Variants in MAP4 observed in about 807,000 individuals in gnomAD.
MAP4 encodes microtubule associated protein 4, also known as microtubule-associated protein 4.
Under a neutral mutation model 170.2 loss-of-function variants are expected in MAP4, and 76 were observed. That is an observed-to-expected ratio of 0.45 (90% CI 0.37 to 0.54). The LOEUF is 0.54. MAP4 is among the 20% of genes least tolerant of loss of function. The probability of loss-of-function intolerance (pLI) is 0.00; values close to 1 mark genes in which losing one functional copy is unlikely to be tolerated. For missense variants in MAP4, 2,506 were observed against 2,748.0 expected (o/e 0.91, Z 1.97); for synonymous variants, 909 against 994.5 (o/e 0.91, Z 1.62).
At chr3:47,941,304 A>G (rs563056500) in intron 3 of MAP4, among the ~76,000 whole-genome samples, 1 of 151,696 alleles carries the variant, frequency 6.6e-6, no homozygotes, top group South Asian at 2.1e-4. Flanking sequence ...CAAATCAAAT[A>G]CCCATAGTTA....
intron 1 of MAP4, among the ~76,000 whole-genome samples, chr3:48,046,058 C>G (rs969842374): frequency 6.8e-6 from 1 of 146,430 alleles, no homozygotes; most frequent in Admixed American, 7.0e-5. Flanking sequence ...TAAGTTATTT[C>G]GGCTACATAT....
chr3:48,076,635 T>A (rs1223562858), intron 1 of MAP4, among the ~76,000 whole-genome samples: 1 of 150,696 alleles, frequency 6.6e-6, no homozygotes, highest in African/African-American at 2.4e-5. Context: ...GCAGATATCA[T>A]GCCACTGCAC....
At chr3:48,003,637 C>T (rs2100100563) in intron 1 of MAP4, among the ~76,000 whole-genome samples, 1 of 152,040 alleles carries the variant, frequency 6.6e-6, no homozygotes, top group East Asian at 1.9e-4. Flanking sequence ...TGTTTCCACT[C>T]CCATCTTAGC....
chr3:47,962,495 T>G (rs2100072202), intron 3 of MAP4, among the ~76,000 whole-genome samples: 1 of 152,218 alleles, frequency 6.6e-6, no homozygotes, highest in Admixed American at 6.5e-5. Flanking sequence ...CTTTGTGTAC[T>G]CTGCCCCAGC....
chr3:47,950,767 G>A (rs1414323795), intron 3 of MAP4, among the ~76,000 whole-genome samples: 1 of 151,064 alleles, frequency 6.6e-6, no homozygotes, highest in Non-Finnish European at 1.5e-5. Context: ...TTGTTTTTTT[G>A]GTCCCTTTCA....
intron 1 of MAP4, among the ~76,000 whole-genome samples, chr3:48,051,926 A>G (rs939650437): frequency 1.3e-5 from 2 of 152,242 alleles, no homozygotes; most frequent in Non-Finnish European, 2.9e-5. Flanking sequence ...CAATTTGTTT[A>G]GTCTAACTCT....
At chr3:48,040,260 T>C (rs1340470503) in intron 1 of MAP4, among the ~76,000 whole-genome samples, 1 of 152,084 alleles carries the variant, frequency 6.6e-6, no homozygotes, top group African/African-American at 2.4e-5. Flanking sequence ...AATCATATTA[T>C]TTATTTTTAT....
At chr3:47,967,271 G>A (rs1263806332) in intron 3 of MAP4, among the ~76,000 whole-genome samples, 1 of 152,186 alleles carries the variant, frequency 6.6e-6, no homozygotes, top group East Asian at 1.9e-4. Context: ...GGAGGCGGAG[G>A]TTGCAGTGAG....
intron 19 of MAP4, among the ~76,000 whole-genome samples, chr3:47,854,466 G>A (rs893418296): frequency 1.3e-5 from 2 of 152,130 alleles, no homozygotes; most frequent in Non-Finnish European, 2.9e-5. Flanking sequence ...CCAGGGCAGC[G>A]GCTCCTGGCC....
intron 1 of MAP4, among the ~76,000 whole-genome samples, chr3:48,067,013 T>G (rs1340569685): frequency 1.3e-5 from 2 of 151,824 alleles, no homozygotes; most frequent in Non-Finnish European, 2.9e-5. Context: ...GCTAATTTTT[T>G]GTATTTTCAG....
At chr3:47,914,457 G>C (rs746572996) in intron 8 of MAP4, among the ~76,000 whole-genome samples, 10 of 151,770 alleles carry the variant, frequency 6.6e-5, no homozygotes, top group Admixed American at 1.3e-4. Flanking sequence ...GGCTGAGGCA[G>C]GAGAATCGCT....
chr3:47,869,940 T>G (rs2088418085), intron 15 of MAP4, among the ~76,000 whole-genome samples: 1 of 152,136 alleles, frequency 6.6e-6, no homozygotes, highest in Non-Finnish European at 1.5e-5. Context: ...ACTCTCAGGC[T>G]CTTCTCTAGA....
intron 1 of MAP4, among the ~76,000 whole-genome samples, chr3:48,013,053 T>C (rs1378222276): frequency 6.6e-6 from 1 of 152,128 alleles, no homozygotes; most frequent in African/African-American, 2.4e-5. Flanking sequence ...CTGAAACATG[T>C]ATAAGTACAA....
At chr3:48,049,032 C>A (rs963717292) in intron 1 of MAP4, among the ~76,000 whole-genome samples, 6 of 152,144 alleles carry the variant, frequency 3.9e-5, no homozygotes, top group African/African-American at 1.4e-4. Flanking sequence ...TATGTGACCT[C>A]TTGAGATAAG....
At chr3:47,873,531 G>A (rs1418468897) in intron 12 of MAP4, among the ~76,000 whole-genome samples, 1 of 152,196 alleles carries the variant, frequency 6.6e-6, no homozygotes, top group Non-Finnish European at 1.5e-5. Flanking sequence ...TTAAGGGCTG[G>A]CATCCAAAGT....
At chr3:47,882,768 G>C (rs960112906) in intron 10 of MAP4, among the ~76,000 whole-genome samples, 2 of 151,870 alleles carry the variant, frequency 1.3e-5, no homozygotes, top group Non-Finnish European at 2.9e-5. Flanking sequence ...TGACCTACTG[G>C]AACCTTACTT....
At chr3:48,043,661 T>G (rs376176815) in intron 1 of MAP4, among the ~76,000 whole-genome samples, 4 of 152,244 alleles carry the variant, frequency 2.6e-5, no homozygotes, top group African/African-American at 9.6e-5. Flanking sequence ...ATACAAACTC[T>G]GCAAAGAAAA....
At chr3:47,865,792 G>A (rs1398212639) in intron 17 of MAP4, among the ~76,000 whole-genome samples, 2 of 152,228 alleles carry the variant, frequency 1.3e-5, no homozygotes, top group Middle Eastern at 3.2e-3. Flanking sequence ...GTACATGGCG[G>A]CTTCTGGTGC....
chr3:48,057,023 C>CGGGA (rs1251344046), intron 1 of MAP4, among the ~76,000 whole-genome samples: 23 of 119,510 alleles, frequency 1.9e-4, no homozygotes, highest in Non-Finnish European at 3.3e-4. Flanking sequence ...CCGCCCCGTC[C>CGGGA]GGGAGGTGAG....
Sources: gnomAD v4.1 joint callset for allele counts (sites outside exome capture counted in the v4.1 genomes callset) on GRCh38, gnomAD v4.1.1 for gene constraint, MANE v1.5 for transcripts, NCBI Gene and HGNC (gene_info 2026-07-23, HGNC 2026-07-21) for gene names.